Variants in ABCA13 observed in about 807,000 individuals in gnomAD.
The protein encoded by ABCA13 is ATP binding cassette subfamily A member 13.
In ABCA13, 476 loss-of-function variants were observed where a neutral mutation model predicts 478.7. The ratio of observed to expected loss-of-function variants is 0.99; its 90% CI spans 0.92 to 1.07. The LOEUF is 1.07. ABCA13 is among the 50% of genes least tolerant of loss of function. The pLI is 0.00. For missense variants in ABCA13, 6,060 were observed against 5,910.6 expected (o/e 1.03, Z -0.83); for synonymous variants, 2,252 against 2,158.9 (o/e 1.04, Z -1.20).
chr7:48,210,934 G>A (rs1356535949), intron 3 of ABCA13, among the ~76,000 whole-genome samples: 1 of 152,056 alleles, frequency 6.6e-6, no homozygotes, highest in African/African-American at 2.4e-5. Flanking sequence ...GCAAAATATG[G>A]GGTGTCAAAG....
At chr7:48,499,100 T>C (rs1465194579) in intron 48 of ABCA13, among the ~76,000 whole-genome samples, 1 of 152,166 alleles carries the variant, frequency 6.6e-6, no homozygotes, top group Non-Finnish European at 1.5e-5. Context: ...TTTAAAAATG[T>C]AAAACCCTTC....
chr7:48,295,607 G>A, intron 20 of ABCA13, 93 bp from the exon 21 acceptor site: 2 of 1,491,572 alleles, frequency 1.3e-6, no homozygotes, highest in Non-Finnish European at 1.8e-6. Context: ...TGACATGATT[G>A]TTCTCTGTGT....
chr7:48,633,233 A>G, intron 59 of ABCA13, among the ~76,000 whole-genome samples: 1 of 152,200 alleles, frequency 6.6e-6, no homozygotes, highest in East Asian at 1.9e-4. Flanking sequence ...AAAGATAAAT[A>G]AACAAATATG....
chr7:48,233,223 G>A lies in ABCA13; in HGVS notation c.764-795G>A, dbSNP rs375414536. On this transcript the variant is annotated intron_variant, in intron 7 of 61. Coordinates refer to ENST00000435803, the MANE Select transcript of ABCA13 (RefSeq NM_152701.5). ...AATTATAAGGATCCTATGAGATAAT[G>A]CTTGTGAAAATGGCTTATTAGTGGC... 7.2e-5 allele frequency among the ~76,000 whole-genome samples: 11 copies of A among 152,108 alleles called. 1 individual carries two copies. The East Asian group carries it at 7.7e-4, about 11-fold the overall frequency.
At chr7:48,187,831 T>C (rs1796568500) in intron 1 of ABCA13, among the ~76,000 whole-genome samples, 1 of 152,210 alleles carries the variant, frequency 6.6e-6, no homozygotes, top group African/African-American at 2.4e-5. Context: ...GGGGCACTTG[T>C]AAAGAAATTC....
At chr7:48,429,979 G>A (rs563817058) in intron 42 of ABCA13, among the ~76,000 whole-genome samples, 1 of 152,092 alleles carries the variant, frequency 6.6e-6, no homozygotes. Flanking sequence ...CTTTATAGCA[G>A]GTATTGGTCT....
chr7:48,294,447 GTT>G (rs1321103452), intron 20 of ABCA13, among the ~76,000 whole-genome samples: 1 of 134,230 alleles, frequency 7.4e-6, no homozygotes, highest in African/African-American at 2.7e-5. Context: ...TTTTTGTTTT[GTT>G]TTTTTTTTGA....
chr7:48,643,511 A>G, intron 60 of ABCA13, 118 bp downstream of exon 60: 1 of 878,638 alleles, frequency 1.1e-6, no homozygotes, highest in South Asian at 1.7e-5. Flanking sequence ...TACCTTAGCC[A>G]CATTGCAAAG....
chr7:48,647,063 A>G lies in ABCA13; in HGVS notation c.*1551A>G, dbSNP rs1795476077. On this transcript the variant is annotated 3_prime_UTR_variant, in exon 62 of 62. Coordinates refer to ENST00000435803, the MANE Select transcript of ABCA13 (RefSeq NM_152701.5). ...CATTCTTTTAACAACATTTTTCTGA[A>G]TCCTCAATAGAAAATCACATTAATC... 1 of 152,166 alleles carries G rather than the reference A, an allele frequency of 6.6e-6. No homozygotes were observed. The highest frequency in any genetic ancestry group is 2.1e-4 in the South Asian group (1 of 4,832). The allele number at this position is 152,166 out of a possible 1,614,324, so 9.4% of individuals were successfully genotyped here. A position where few individuals can be genotyped will look rare whatever the true frequency, so the allele number is the denominator to read the frequency against.
chr7:48,474,417 T>C (rs1827854980), intron 45 of ABCA13, among the ~76,000 whole-genome samples: 1 of 152,206 alleles, frequency 6.6e-6, no homozygotes, highest in Non-Finnish European at 1.5e-5. Context: ...AGAAATTAGA[T>C]GATTCTCCTG....
At chr7:48,525,604 G>A (rs1297020977) in intron 54 of ABCA13, among the ~76,000 whole-genome samples, 1 of 147,434 alleles carries the variant, frequency 6.8e-6, no homozygotes, top group Non-Finnish European at 1.5e-5. Flanking sequence ...GACAAAAAGA[G>A]TATGACCCAA....
At chr7:48,398,428 A>G (rs914963637) in intron 38 of ABCA13, among the ~76,000 whole-genome samples, 26 of 152,216 alleles carry the variant, frequency 1.7e-4, no homozygotes, top group Admixed American at 1.7e-3. Flanking sequence ...GTAGTCTTCA[A>G]TTAGAGAAAG....
intron 42 of ABCA13, among the ~76,000 whole-genome samples, chr7:48,439,106 A>T (rs1372541483): frequency 6.6e-6 from 1 of 152,144 alleles, no homozygotes; most frequent in East Asian, 1.9e-4. Context: ...TTAAAACAAT[A>T]CCTATTTATT....
chr7:48,594,928 C>T, intron 58 of ABCA13, 115 bp downstream of exon 58: 1 of 841,832 alleles, frequency 1.2e-6, no homozygotes, highest in Non-Finnish European at 1.9e-6. Flanking sequence ...ATCTTTACAA[C>T]ACAATAATGG....
rs1322124306 is a variant in ABCA13 at position 48,403,988 on chromosome 7, C to G, written c.12070+109C>G. On this transcript the variant is annotated intron_variant, in intron 39 of 61. Transcript: ENST00000435803. ...TTGTATCCCAGTGAGGCTACATTAT[C>G]CTTTTCAGAAAAATATAAATTTTTA... 4 of 1,290,180 alleles carry G rather than the reference C, an allele frequency of 3.1e-6. No individual in the cohort carries two copies. The Admixed American group carries it at 5.9e-5, about 19-fold the overall frequency. 79.9% of individuals were successfully genotyped at this position (1,290,180 alleles called of 1,614,324 possible).
chr7:48,450,778 T>C (rs1331887088), intron 42 of ABCA13, among the ~76,000 whole-genome samples: 1 of 152,116 alleles, frequency 6.6e-6, no homozygotes, highest in African/African-American at 2.4e-5. Flanking sequence ...TTCATGTTCA[T>C]TTTTCAAAAG....
At position 48,245,576 on chromosome 7, in the gene ABCA13, A is replaced by C; in HGVS notation, c.1455A>C (p.Lys485Asn). ...DFKWFELNQL[K>N]LEKDVFFWEL... Reference sequence around the variant, plus strand: ...AATGGTTTGAACTTAACCAATTGAAACTGGAAAAGGATGTGTTCTTTTGGG... The same window carrying C: ...AATGGTTTGAACTTAACCAATTGAACCTGGAAAAGGATGTGTTCTTTTGGG... Residue 485 changes from lysine (K) to asparagine (N), a missense_variant, in exon 12 of 62, where the codon AAA becomes AAC. Lys to Asn is a moderately conservative substitution (Grantham distance 94). Coordinates refer to ENST00000435803, the MANE Select transcript of ABCA13 (RefSeq NM_152701.5). 6.2e-7 allele frequency: 1 copy of C among 1,613,168 alleles called. No homozygotes were observed. Among genetic ancestry groups the C allele is most frequent in the Non-Finnish European group, 8.5e-7 (1 of 1,179,646 alleles).
chr7:48,254,420 T>C (rs925475154), intron 15 of ABCA13, among the ~76,000 whole-genome samples: 2 of 152,128 alleles, frequency 1.3e-5, no homozygotes, highest in Non-Finnish European at 1.5e-5. Context: ...TATACCACCA[T>C]TTGCAGCTAA....
At position 48,520,177 on chromosome 7, in the gene ABCA13, A is replaced by G. The variant is rs765785680; in HGVS notation, c.13934A>G (p.Tyr4645Cys). ...DLTHNFGIDS[Y>C]VSPFEMNFLG... ...ACCCACAACTTCGGCATTGATTCCTATGTGAGTCCCTTTGAGATGAACTTT... is the reference window on the plus strand; with the variant it reads ...ACCCACAACTTCGGCATTGATTCCTGTGTGAGTCCCTTTGAGATGAACTTT... Residue 4645 changes from tyrosine (Y) to cysteine (C), a missense_variant, in exon 53 of 62, where the codon TAT becomes TGT. Transcript: ENST00000435803. The G allele has an allele frequency of 5.6e-6, 9 of 1,613,624 alleles. No homozygotes were observed. In the East Asian group the frequency reaches 6.7e-5, roughly 12 times the overall value.
Sources: gnomAD v4.1 joint callset for allele counts (sites outside exome capture counted in the v4.1 genomes callset) on GRCh38, gnomAD v4.1.1 for gene constraint, MANE v1.5 for transcripts, NCBI Gene and HGNC (gene_info 2026-07-23, HGNC 2026-07-21) for gene names.